Variants in WIF1 observed in about 807,000 individuals in gnomAD.
WIF1 encodes the protein Wnt inhibitory factor 1.
WIF1 carries 35 observed loss-of-function variants against 53.5 expected under a neutral mutation model. The observed-to-expected ratio is 0.65, with a 90% confidence interval of 0.50 to 0.87. The LOEUF is 0.87. Ranked by LOEUF, WIF1 falls within the 40% of genes least tolerant of loss-of-function variation. WIF1 has a pLI of 0.00. For missense variants in WIF1, 467 were observed against 476.8 expected (o/e 0.98, Z 0.19); for synonymous variants, 171 against 170.4 (o/e 1.00, Z -0.03).
chr12:65,063,363 A>G (rs903421206), intron 6 of WIF1, among the ~76,000 whole-genome samples: 7 of 152,226 alleles, frequency 4.6e-5, no homozygotes, highest in Non-Finnish European at 8.8e-5. Flanking sequence ...GAGAGGAAAT[A>G]TCTAAAAATA....
At chr12:65,097,850 C>T (rs1883228064) in intron 2 of WIF1, among the ~76,000 whole-genome samples, 3 of 152,084 alleles carry the variant, frequency 2.0e-5, no homozygotes, top group Admixed American at 2.0e-4. Context: ...TTGATTGTAT[C>T]ATATCACTTC....
rs772740274 is a variant in WIF1 at position 65,051,100 on chromosome 12, C to T, written c.*249G>A. ...CCAACTACACACTGAAAATTTTAACCTGATCAATTGACATAATATAAAATC... is the reference window on the plus strand; with the variant it reads ...CCAACTACACACTGAAAATTTTAACTTGATCAATTGACATAATATAAAATC... On this transcript the variant is annotated 3_prime_UTR_variant, in exon 10 of 10. Coordinates refer to ENST00000286574, the MANE Select transcript of WIF1 (RefSeq NM_007191.5). 1.2e-5 allele frequency: 4 copies of T among 347,744 alleles called. No individual in the cohort carries two copies. Among genetic ancestry groups the T allele is most frequent in the Non-Finnish European group, 1.5e-5 (3 of 197,966 alleles). The allele number at this position is 347,744 out of a possible 1,614,324, so 21.5% of individuals were successfully genotyped here. A position where few individuals can be genotyped will look rare whatever the true frequency, so the allele number is the denominator to read the frequency against.
chr12:65,067,302 A>C (rs995343375), intron 5 of WIF1, among the ~76,000 whole-genome samples: 1 of 152,074 alleles, frequency 6.6e-6, no homozygotes, highest in Non-Finnish European at 1.5e-5. Context: ...CCTGAAATTG[A>C]TGTACTTACT....
chr12:65,055,872 C>T (rs754499466), intron 8 of WIF1, among the ~76,000 whole-genome samples, 159 bp downstream of exon 8: 1 of 152,232 alleles, frequency 6.6e-6, no homozygotes, highest in African/African-American at 2.4e-5. Flanking sequence ...AGATTTCATA[C>T]CACACCTCTG....
At chr12:65,054,531 G>A (rs531104806) in intron 9 of WIF1, among the ~76,000 whole-genome samples, 1 of 152,180 alleles carries the variant, frequency 6.6e-6, no homozygotes, top group East Asian at 1.9e-4. Flanking sequence ...GCTCATTTTT[G>A]GTAGTAAATT....
At chr12:65,063,741 T>C (rs1175761319) in intron 6 of WIF1, among the ~76,000 whole-genome samples, 1 of 146,992 alleles carries the variant, frequency 6.8e-6, no homozygotes, top group African/African-American at 2.5e-5. Context: ...AGAGACAGGG[T>C]CTTGCTCTGT....
At position 65,084,036 on chromosome 12, in the gene WIF1, T is replaced by G. The variant is rs1241982179; in HGVS notation, c.289-6182A>C. Reference sequence around the variant, plus strand: ...ATTTCTTTTTAGCTGCCAATGGTCTTGTTATTGTTTCAATTAACAAAGATA... The same window carrying G: ...ATTTCTTTTTAGCTGCCAATGGTCTGGTTATTGTTTCAATTAACAAAGATA... On this transcript the variant is annotated intron_variant, in intron 2 of 9. Coordinates refer to ENST00000286574, the MANE Select transcript of WIF1 (RefSeq NM_007191.5). Among the ~76,000 whole-genome samples the G allele has an allele frequency of 5.3e-5, 8 of 152,076 alleles. No homozygotes were observed. The East Asian group carries it at 1.5e-3, about 29-fold the overall frequency.
At position 65,051,281 on chromosome 12, in the gene WIF1, T is replaced by C; in HGVS notation, c.*68A>G. 9 of 1,538,630 alleles carry C rather than the reference T, an allele frequency of 5.8e-6. No homozygotes were observed. Among genetic ancestry groups the C allele is most frequent in the Non-Finnish European group, 7.9e-6 (9 of 1,141,546 alleles). ...AAGTGTAATGAACATTATTTGAACA[T>C]TCAACACATGAAAGGTTAACAAAGG... On this transcript the variant is annotated 3_prime_UTR_variant, in exon 10 of 10. Transcript: ENST00000286574.
intron 2 of WIF1, among the ~76,000 whole-genome samples, chr12:65,108,862 T>A (rs1278107755): frequency 1.3e-5 from 2 of 152,210 alleles, no homozygotes; most frequent in Non-Finnish European, 2.9e-5. Flanking sequence ...AACTTGTCCC[T>A]TCTATTGCTC....
At chr12:65,076,514 T>C (rs1418434205) in intron 3 of WIF1, among the ~76,000 whole-genome samples, 1 of 152,180 alleles carries the variant, frequency 6.6e-6, no homozygotes, top group Non-Finnish European at 1.5e-5. Flanking sequence ...TTTAAGAAGC[T>C]CATAGTTCCT....
At chr12:65,077,937 G>GAGAAAAGCCAAAAGAT in intron 2 of WIF1, 83 bp from the exon 3 acceptor site, 1 of 1,045,062 alleles carries the variant, frequency 9.6e-7, no homozygotes, top group Non-Finnish European at 1.4e-6. Flanking sequence ...CATCTGATGG[G>GAGAAAAGCCAAAAGAT]GCAGAGATAA....
chr12:65,089,069 C>T (rs192874571), intron 2 of WIF1, among the ~76,000 whole-genome samples: 32 of 152,210 alleles, frequency 2.1e-4, no homozygotes, highest in African/African-American at 7.2e-4. Flanking sequence ...TTTCATTAGC[C>T]TCCAAGATTT....
chr12:65,076,574 A>G (rs565184142), intron 3 of WIF1, among the ~76,000 whole-genome samples: 3 of 152,206 alleles, frequency 2.0e-5, no homozygotes, highest in Non-Finnish European at 4.4e-5. Flanking sequence ...TAACAAAATA[A>G]TGAGATAAGC....
chr12:65,088,361 C>G (rs192101061), intron 2 of WIF1, among the ~76,000 whole-genome samples: 5 of 152,246 alleles, frequency 3.3e-5, no homozygotes, highest in Non-Finnish European at 5.9e-5. Context: ...TACAAATAGT[C>G]TAATATCCAA....
rs571588061 is a variant in WIF1, at chr12:65,089,214, T to C, written c.289-11360A>G. On this transcript the variant is annotated intron_variant, in intron 2 of 9. Coordinates refer to ENST00000286574, the MANE Select transcript of WIF1 (RefSeq NM_007191.5). ...TCTTCCCAATGAGGCTGTTCATTTGTATTCCTTAGGAAAGCATAATATACC... is the reference window on the plus strand; with the variant it reads ...TCTTCCCAATGAGGCTGTTCATTTGCATTCCTTAGGAAAGCATAATATACC... Among the ~76,000 whole-genome samples, 10 of 152,310 alleles carry C rather than the reference T, an allele frequency of 6.6e-5. No individual in the cohort carries two copies. In the South Asian group the frequency reaches 1.9e-3, roughly 28 times the overall value.
rs770920798 is a variant in WIF1, at chr12:65,051,369, C to T, written c.1120G>A (p.Glu374Lys). 1.2e-6 allele frequency: 2 copies of T among 1,613,558 alleles called. No individual in the cohort carries two copies. Among genetic ancestry groups the T allele is most frequent in the South Asian group, 2.2e-5 (2 of 90,970 alleles). The stretch of plus-strand genomic sequence containing the variant: ...GGAGTTCACCAGATGTAATTGGATT[C>T]AGGTGGATCCCGCCGCTCCTCGGCC... ...KKAEERRDPPESNYIW is the reference protein window; with the variant it reads ...KKAEERRDPPKSNYIW Residue 374 changes from glutamate to lysine, a missense_variant, in exon 10 of 10, where the codon GAA becomes AAA. Transcript: ENST00000286574.
chr12:65,112,160 G>A (rs1475686139), intron 2 of WIF1, among the ~76,000 whole-genome samples: 1 of 152,114 alleles, frequency 6.6e-6, no homozygotes, highest in Middle Eastern at 3.2e-3. Flanking sequence ...TTCTCATTTT[G>A]TAAACTTAAG....
chr12:65,080,931 T>G (rs983045195), intron 2 of WIF1, among the ~76,000 whole-genome samples: 1 of 152,126 alleles, frequency 6.6e-6, no homozygotes, highest in South Asian at 2.1e-4. Context: ...AAAATTACAT[T>G]TGTAAAACTA....
chr12:65,100,314 A>T (rs1883263806), intron 2 of WIF1, among the ~76,000 whole-genome samples: 1 of 152,182 alleles, frequency 6.6e-6, no homozygotes. Context: ...GAAAAGGGAG[A>T]TCACTCACCC....
Sources: gnomAD v4.1 joint callset for allele counts (sites outside exome capture counted in the v4.1 genomes callset) on GRCh38, gnomAD v4.1.1 for gene constraint, MANE v1.5 for transcripts, NCBI Gene and HGNC (gene_info 2026-07-23, HGNC 2026-07-21) for gene names.